Variants in TEAD4 observed in about 807,000 individuals in gnomAD.
TEAD4 encodes the protein transcriptional enhancer factor TEF-3.
A neutral mutation model predicts 52.4 loss-of-function variants in TEAD4; 36 were observed. The observed-to-expected ratio is 0.69, with a 90% confidence interval of 0.53 to 0.91. TEAD4 has a LOEUF of 0.91. Among genes scored for constraint, TEAD4 ranks in the 40% least tolerant of loss-of-function variants. TEAD4 has a pLI of 0.00. For missense variants in TEAD4, 508 were observed against 583.9 expected (o/e 0.87, Z 1.34); for synonymous variants, 220 against 231.0 (o/e 0.95, Z 0.43).
At chr12:3,038,248 T>A (rs766468894) in intron 11 of TEAD4, 140 bp downstream of exon 11, 2 of 1,145,280 alleles carry the variant, frequency 1.7e-6, no homozygotes, top group Non-Finnish European at 2.5e-6. Context: ...CTGCTGTCAG[T>A]GCTGTGTGCC....
At chr12:3,039,532 G>A (rs2098281420) in intron 11 of TEAD4, among the ~76,000 whole-genome samples, 1 of 152,152 alleles carries the variant, frequency 6.6e-6, no homozygotes, top group Admixed American at 6.5e-5. Context: ...GGGTCCCTGT[G>A]TGCCCCTCAT....
At chr12:3,024,436 G>T (rs1235379297) in intron 10 of TEAD4, among the ~76,000 whole-genome samples, 2 of 152,178 alleles carry the variant, frequency 1.3e-5, no homozygotes, top group Non-Finnish European at 2.9e-5. Context: ...CACTTTGGGA[G>T]CCCAACGTGG....
At chr12:3,006,152 G>T (rs185577774) in intron 3 of TEAD4, among the ~76,000 whole-genome samples, 1 of 152,112 alleles carries the variant, frequency 6.6e-6, no homozygotes, top group Non-Finnish European at 1.5e-5. Context: ...CATAAATACA[G>T]GTTGAGCATC....
At chr12:3,009,518 T>C (rs1050682069) in intron 3 of TEAD4, among the ~76,000 whole-genome samples, 1 of 152,364 alleles carries the variant, frequency 6.6e-6, no homozygotes, top group East Asian at 1.9e-4. Context: ...CCAAAGCTCA[T>C]TGGTGGAGCT....
chr12:3,013,783 C>G (rs920305086), intron 5 of TEAD4, among the ~76,000 whole-genome samples: 4 of 152,214 alleles, frequency 2.6e-5, no homozygotes, highest in African/African-American at 9.6e-5. Context: ...ATCCCAGGTA[C>G]TTGGAGGTTG....
intron 5 of TEAD4, among the ~76,000 whole-genome samples, chr12:3,013,111 G>A (rs199786382): frequency 3.4e-4 from 52 of 152,084 alleles, no homozygotes; most frequent in African/African-American, 1.2e-3. Flanking sequence ...GCCACTGCAC[G>A]GCCATTTTTT....
Position 3,018,500 on chromosome 12 carries a change from G to C in TEAD4, c.484-45G>C. The C allele has an allele frequency of 2.5e-6, 4 of 1,613,516 alleles. No homozygotes were observed. The South Asian group carries it at 3.3e-5, about 13-fold the overall frequency. On this transcript the variant is annotated intron_variant, in intron 6 of 12. Transcript: ENST00000359864. The stretch of plus-strand genomic sequence containing the variant: ...CCCACCCCCACACCACAGGGCCCCG[G>C]GTGCACCTGGGGCCGTGCTGATTCC...
chr12:3,021,906 C>T lies in TEAD4; in HGVS notation c.786C>T (p.Leu262=), dbSNP rs772615555. Reference sequence around the variant, plus strand: ...GCCCAAGCTACAGCGACCCCTACCTCGAAGCCGTGGACATCCGCCAAATCT... The same window carrying T: ...GCCCAAGCTACAGCGACCCCTACCTTGAAGCCGTGGACATCCGCCAAATCT... Residue 262 remains leucine, a synonymous_variant, in exon 10 of 13, where the codon CTC becomes CTT. Coordinates refer to ENST00000359864, the MANE Select transcript of TEAD4 (RefSeq NM_003213.4). 3.1e-6 allele frequency: 5 copies of T among 1,614,256 alleles called. No individual in the cohort carries two copies. The highest frequency in any genetic ancestry group is 3.3e-5 in the Admixed American group (2 of 60,028).
chr12:2,964,191 C>T (rs2098218276), intron 2 of TEAD4, among the ~76,000 whole-genome samples: 1 of 152,210 alleles, frequency 6.6e-6, no homozygotes, highest in African/African-American at 2.4e-5. Flanking sequence ...CTTACTAGCA[C>T]AGGGCTCGTG....
intron 3 of TEAD4, among the ~76,000 whole-genome samples, chr12:3,002,836 G>C (rs1005769889): frequency 6.6e-6 from 1 of 151,940 alleles, no homozygotes; most frequent in Non-Finnish European, 1.5e-5. Flanking sequence ...GGGCTTCCTG[G>C]AGCTGTGGCC....
chr12:2,982,207 C>A (rs1157272210), intron 2 of TEAD4, among the ~76,000 whole-genome samples: 5 of 152,290 alleles, frequency 3.3e-5, no homozygotes, highest in Admixed American at 3.3e-4. Context: ...GCTTACTGTT[C>A]TGAGTATTAG....
At chr12:2,995,782 G>T (rs548303286) in intron 3 of TEAD4, among the ~76,000 whole-genome samples, 4 of 152,238 alleles carry the variant, frequency 2.6e-5, no homozygotes, top group African/African-American at 9.6e-5. Context: ...CAAGGTGGGA[G>T]GATCACTTGA....
At chr12:3,032,708 C>G (rs757285102) in intron 10 of TEAD4, among the ~76,000 whole-genome samples, 3 of 152,160 alleles carry the variant, frequency 2.0e-5, no homozygotes, top group African/African-American at 4.8e-5. Flanking sequence ...TGCCTGAGCC[C>G]TCTGAGTGCC....
chr12:2,979,487 T>C (rs1255896013), intron 2 of TEAD4, among the ~76,000 whole-genome samples: 1 of 152,198 alleles, frequency 6.6e-6, no homozygotes, highest in African/African-American at 2.4e-5. Flanking sequence ...GTAGACGAAG[T>C]GCGGCGTTGC....
chr12:2,977,169 G>A (rs74057732), intron 2 of TEAD4, among the ~76,000 whole-genome samples: 6,089 of 152,234 alleles, frequency 0.04, 218 homozygotes, highest in Admixed American at 0.094. Context: ...GTGGTTGGGA[G>A]GACACTGAGG....
chr12:3,021,760 C>A, intron 9 of TEAD4, 84 bp from the exon 10 acceptor site: 1 of 1,470,244 alleles, frequency 6.8e-7, no homozygotes, highest in South Asian at 1.3e-5. Context: ...TGCACCAGGT[C>A]ACGTGGTGGG....
intron 3 of TEAD4, among the ~76,000 whole-genome samples, chr12:3,006,705 A>G (rs2098256206): frequency 6.6e-6 from 1 of 151,958 alleles, no homozygotes. Flanking sequence ...AAATAAAAAT[A>G]ATCAAAAATA....
chr12:2,971,758 A>G (rs1174036110), intron 2 of TEAD4, among the ~76,000 whole-genome samples: 2 of 147,832 alleles, frequency 1.4e-5, no homozygotes, highest in Non-Finnish European at 3.0e-5. Flanking sequence ...TACAGGCATG[A>G]GCCACCCCGC....
intron 3 of TEAD4, 122 bp from the exon 4 acceptor site, chr12:3,010,882 A>G (rs866419211): frequency 1.9e-6 from 2 of 1,078,056 alleles, no homozygotes; most frequent in Middle Eastern, 4.4e-4. Context: ...TCACCCCACA[A>G]ATCCGCTTAG....
Sources: gnomAD v4.1 joint callset for allele counts (sites outside exome capture counted in the v4.1 genomes callset) on GRCh38, gnomAD v4.1.1 for gene constraint, MANE v1.5 for transcripts, NCBI Gene and HGNC (gene_info 2026-07-23, HGNC 2026-07-21) for gene names.